The following LRRC9 variants were observed in gnomAD, a reference collection of about 807,000 sequenced individuals.
LRRC9 encodes the protein leucine rich repeat containing 9, also known as leucine-rich repeat-containing protein 9.
LRRC9 carries 122 observed loss-of-function variants against 63.2 expected under a neutral mutation model. The ratio of observed to expected loss-of-function variants is 1.93; its 90% confidence interval spans 1.67 to 2.24. LRRC9 has a LOEUF of 2.24. Ranked by LOEUF, LRRC9 falls within the 30% of genes most tolerant of loss-of-function variation. The probability of loss-of-function intolerance (pLI) is 0.00; values close to 1 mark genes in which losing one functional copy is unlikely to be tolerated. For missense variants in LRRC9, 1,071 were observed against 627.7 expected, an observed-to-expected ratio of 1.71 and a Z score of -7.55; for synonymous variants, 366 against 213.1, an observed-to-expected ratio of 1.72 and a Z score of -6.25.
At chr14:60,007,032 T>C (rs533228654) in intron 22 of LRRC9, among the ~76,000 whole-genome samples, 2 of 152,326 alleles carry the variant, frequency 1.3e-5, no homozygotes, top group East Asian at 3.9e-4. Flanking sequence ...TACTAAAGGT[T>C]TGAACAAAAC....
intron 1 of LRRC9, among the ~76,000 whole-genome samples, chr14:59,926,977 A>T (rs922554336): frequency 2.0e-5 from 3 of 152,138 alleles, no homozygotes; most frequent in Non-Finnish European, 4.4e-5. Context: ...CTTTTTTAAA[A>T]GTATCATTTT....
intron 23 of LRRC9, among the ~76,000 whole-genome samples, chr14:60,013,350 G>T (rs1890413286): frequency 6.6e-6 from 1 of 152,112 alleles, no homozygotes; most frequent in Non-Finnish European, 1.5e-5. Context: ...AGGGATAGAT[G>T]AAAGCTGCTG....
chr14:59,994,509 G>A (rs1358402485), intron 17 of LRRC9, among the ~76,000 whole-genome samples: 1 of 152,132 alleles, frequency 6.6e-6, no homozygotes, highest in East Asian at 1.9e-4. Context: ...TCCCATTACT[G>A]GGTATATACC....
Position 60,028,712 on chromosome 14 carries a change from G to A in LRRC9, c.3921+611G>A, listed in dbSNP as rs148215389. 7.0e-4 allele frequency among the ~76,000 whole-genome samples: 107 copies of A among 152,154 alleles called. No individual in the cohort carries two copies. The East Asian group carries it at 0.019, about 26-fold the overall frequency. ...CTCACATTTCTCTTAGCATTTCTGT[G>A]GTGGTCTGTTAGCTCTCCTTTTACC... is the stretch of plus-strand genomic sequence containing the variant. On this transcript the variant is annotated intron_variant, in intron 28 of 31. Transcript: ENST00000445360.
Position 59,964,810 on chromosome 14 carries a change from T to TATCA in LRRC9, c.1212-1776_1212-1775insAATC, listed in dbSNP as rs1884672487. Among the ~76,000 whole-genome samples, 1 of 152,102 alleles carries TATCA rather than the reference T, an allele frequency of 6.6e-6. No individual in the cohort carries two copies. The highest frequency in any genetic ancestry group is 2.4e-5 in the African/African-American group (1 of 41,434). Reference sequence around the variant, plus strand: ...TCATGCTTGATTGCAACACTATTCATATCTGTCTCCTCTACCAGACTGCGA... The same window carrying TATCA: ...TCATGCTTGATTGCAACACTATTCATATCAATCTGTCTCCTCTACCAGACTGCGA... On this transcript the variant is annotated intron_variant, in intron 10 of 31. Transcript: ENST00000445360. The surrounding 1 kb of genome is among the most constrained non-coding windows in gnomAD (Gnocchi z 4.4).
rs142325157 is a variant in LRRC9 at position 60,056,316 on chromosome 14, G to C, written c.4132-1562G>C. On this transcript the variant is annotated intron_variant, in intron 30 of 31. Transcript: ENST00000445360. ...TTAAAATTCATAAATTCTGTTTTAA[G>C]GTAATGCAGGCTAAATTGAAAAGAC... Among the ~76,000 whole-genome samples the C allele has an allele frequency of 5.3e-5, 8 of 152,270 alleles. No individual in the cohort carries two copies. In the East Asian group the frequency reaches 1.5e-3, roughly 29 times the overall value.
Position 59,942,184 on chromosome 14 carries a change from A to G in LRRC9, c.727-2405A>G, listed in dbSNP as rs1243006553. 6.6e-6 allele frequency among the ~76,000 whole-genome samples: 1 copy of G among 152,206 alleles called. No individual in the cohort carries two copies. Among genetic ancestry groups the G allele is most frequent in the Non-Finnish European group, 1.5e-5 (1 of 68,030 alleles). On this transcript the variant is annotated intron_variant, in intron 7 of 31. Transcript: ENST00000445360. The surrounding 1 kb of genome is among the most constrained non-coding windows in gnomAD (Gnocchi z 5.3). Reference sequence around the variant, plus strand: ...TTAAATAGTATTCCATCATGTGTATACACATATGTGTGTGTGTAATGTGAT... The same window carrying G: ...TTAAATAGTATTCCATCATGTGTATGCACATATGTGTGTGTGTAATGTGAT...
rs556404963 is a variant in LRRC9, at chr14:60,038,654, C to T, written c.3990+6591C>T. Among the ~76,000 whole-genome samples the T allele has an allele frequency of 6.4e-4, 97 of 152,204 alleles. 3 individuals carry two copies. The Middle Eastern group carries it at 0.02, about 32-fold the overall frequency. On this transcript the variant is annotated intron_variant, in intron 29 of 31. Coordinates refer to ENST00000445360, the Ensembl canonical transcript of LRRC9. ...TTTGCTGAAGTTGCTTATCAGCTTA[C>T]GGAGATTTGGGGATGAGACAATGGG...
In LRRC9 at chr14:60,018,308, AC is replaced by A. The variant is rs149968455; in HGVS notation, c.3318-61del. The A allele has an allele frequency of 0.016, 11,149 of 693,808 alleles. 672 individuals carry two copies. The East Asian group carries it at 0.17, about 11-fold the overall frequency. 43.0% of individuals were successfully genotyped at this position (693,808 alleles called of 1,614,324 possible). A position where few individuals can be genotyped will look rare whatever the true frequency, so the allele number is the denominator to read the frequency against. On this transcript the variant is annotated intron_variant, in intron 24 of 31. Coordinates refer to ENST00000445360, the Ensembl canonical transcript of LRRC9. ...TTGGTGGCTGTATGTGAAGGAACTC[AC>A]CTTTTCCTATATTTTCCTGTCCTAT...
chr14:59,992,912 A>G (rs1888315420), intron 17 of LRRC9, among the ~76,000 whole-genome samples: 1 of 152,210 alleles, frequency 6.6e-6, no homozygotes, highest in African/African-American at 2.4e-5. Flanking sequence ...AACTTCCCCA[A>G]TCTAGCAAGG....
At chr14:60,000,559 T>C (rs1889261808) in intron 19 of LRRC9, among the ~76,000 whole-genome samples, 1 of 152,064 alleles carries the variant, frequency 6.6e-6, no homozygotes. Flanking sequence ...AACAACCTAA[T>C]ATAGACGGTG....
chr14:59,934,825 C>A (rs947463902), intron 6 of LRRC9, among the ~76,000 whole-genome samples: 7 of 152,178 alleles, frequency 4.6e-5, no homozygotes, highest in African/African-American at 1.7e-4. Context: ...TGAAATAATT[C>A]TTACTTTTAA....
intron 6 of LRRC9, among the ~76,000 whole-genome samples, chr14:59,935,334 G>A (rs1817834940): frequency 6.6e-6 from 1 of 151,404 alleles, no homozygotes; most frequent in Admixed American, 6.6e-5. Context: ...ATAATAAATT[G>A]ATAATATTTT....
chr14:59,979,547 G>A (rs576991773), intron 15 of LRRC9, among the ~76,000 whole-genome samples: 7 of 146,008 alleles, frequency 4.8e-5, no homozygotes, highest in East Asian at 2.0e-4. Flanking sequence ...GGGAGGCAGA[G>A]CTTGTAGTGA....
intron 17 of LRRC9, among the ~76,000 whole-genome samples, chr14:59,992,346 C>A (rs1376440933): frequency 1.3e-5 from 2 of 152,090 alleles, no homozygotes; most frequent in Non-Finnish European, 2.9e-5. Context: ...GGTAGATAAA[C>A]CCACAAAGAT....
At chr14:59,941,589 A>G (rs1446923785) in intron 7 of LRRC9, among the ~76,000 whole-genome samples, 3 of 152,032 alleles carry the variant, frequency 2.0e-5, no homozygotes, top group Non-Finnish European at 1.5e-5. Flanking sequence ...CTGAAATTCA[A>G]ATTTAATTTG....
chr14:59,998,976 T>A (rs1375404363), intron 18 of LRRC9, 125 bp from the exon 19 acceptor site: 5 of 452,484 alleles, frequency 1.1e-5, no homozygotes, highest in African/African-American at 2.0e-5. Context: ...AAGCTTTTTT[T>A]AGGTATATGT....
chr14:60,063,457 A>AT (rs2140482084), exon 32 of LRRC9: 1 of 655,172 alleles, frequency 1.5e-6, no homozygotes, highest in East Asian at 2.7e-5. Flanking sequence ...AAAAAAAAAA[A>AT]AGATAATCAT....
chr14:60,053,418 C>T lies in LRRC9; in HGVS notation c.4131+213C>T, dbSNP rs201437050. 0.011 allele frequency among the ~76,000 whole-genome samples: 258 copies of T among 23,902 alleles called. 7 individuals carry two copies. The East Asian group carries it at 0.17, about 16-fold the overall frequency. The allele number at this position is 23,902 out of a possible 152,430, so 15.7% of individuals were successfully genotyped here. ...ACACACACACACACACACACACACA[C>T]ACATATATATGTAAGTCAGGGAACA... On this transcript the variant is annotated intron_variant, in intron 30 of 31. Transcript: ENST00000445360. This position sits in a 1 kb window ranked among gnomAD's most constrained non-coding sequence, Gnocchi z 4.8.
Sources: allele counts gnomAD v4.1 joint callset (sites outside exome capture counted in the v4.1 genomes callset), GRCh38; gene constraint gnomAD v4.1.1; non-coding constraint Gnocchi (gnomAD v3.1); transcripts MANE v1.5; gene names NCBI Gene and HGNC (gene_info 2026-07-23, HGNC 2026-07-21).